EEF1AKMT1: variants seen among roughly 807,000 people sequenced by gnomAD.
The protein encoded by EEF1AKMT1 is N-6 adenine-specific DNA methyltransferase 2 (putative).
EEF1AKMT1 carries 18 observed loss-of-function variants against 21.0 expected under a neutral mutation model. The observed-to-expected ratio is 0.86, with a 90% CI of 0.59 to 1.27. The LOEUF is 1.27. Among genes scored for constraint, EEF1AKMT1 ranks in the 50% most tolerant of loss-of-function variants. The probability of loss-of-function intolerance (pLI) is 0.00; values close to 1 mark genes in which losing one functional copy is unlikely to be tolerated. For synonymous variants in EEF1AKMT1, 109 were observed against 94.8 expected (o/e 1.15, Z -0.87); for missense variants, 246 against 258.6 (o/e 0.95, Z 0.33).
intron 2 of EEF1AKMT1, among the ~76,000 whole-genome samples, chr13:20,756,228 T>G (rs1044088888): frequency 3.3e-5 from 5 of 152,162 alleles, no homozygotes; most frequent in Admixed American, 2.0e-4. Context: ...CAAGGGGTAG[T>G]CACAGACAAA....
intron 4 of EEF1AKMT1, among the ~76,000 whole-genome samples, chr13:20,729,788 C>A (rs2058781565): frequency 6.6e-6 from 1 of 152,176 alleles, no homozygotes; most frequent in African/African-American, 2.4e-5. Flanking sequence ...GCTCTCTCAA[C>A]TTCATCTTCA....
chr13:20,738,988 A>C lies in EEF1AKMT1; in HGVS notation c.145-1183T>G, dbSNP rs370400846. Among the ~76,000 whole-genome samples the C allele has an allele frequency of 8.5e-5, 13 of 152,326 alleles. No individual in the cohort carries two copies. The East Asian group carries it at 2.5e-3, about 29-fold the overall frequency. Reference sequence around the variant, plus strand: ...TGTGGACCCTCACGATGAGTGTGACAGTTCTTAAAGATAGTGTGCCCAGAG... The same window carrying C: ...TGTGGACCCTCACGATGAGTGTGACCGTTCTTAAAGATAGTGTGCCCAGAG... On this transcript the variant is annotated intron_variant, in intron 2 of 4. Transcript: ENST00000382758.
chr13:20,733,245 G>A (rs569314068), intron 3 of EEF1AKMT1, among the ~76,000 whole-genome samples: 85 of 152,010 alleles, frequency 5.6e-4, no homozygotes, highest in Non-Finnish European at 1.1e-3. Context: ...ACAGGCACCC[G>A]CCACCACGCC....
At chr13:20,730,684 G>A (rs1012445328) in intron 4 of EEF1AKMT1, among the ~76,000 whole-genome samples, 4 of 152,102 alleles carry the variant, frequency 2.6e-5, no homozygotes, top group Admixed American at 2.0e-4. Flanking sequence ...TCTAGCTAGA[G>A]GATTGTAAAC....
At chr13:20,757,066 G>A in intron 2 of EEF1AKMT1, among the ~76,000 whole-genome samples, 1 of 152,188 alleles carries the variant, frequency 6.6e-6, no homozygotes, top group East Asian at 1.9e-4. Context: ...CGCCGAACGT[G>A]GGTACGAGCT....
chr13:20,754,262 G>GT (rs386378396), intron 2 of EEF1AKMT1, among the ~76,000 whole-genome samples: 34,029 of 114,624 alleles, frequency 0.3, 5,396 homozygotes, highest in East Asian at 0.79. Context: ...TTTGTTGGCA[G>GT]TTTTTTTTTC....
chr13:20,729,520 TATACAC>T (rs1180698127), intron 4 of EEF1AKMT1, among the ~76,000 whole-genome samples: 2 of 152,042 alleles, frequency 1.3e-5, no homozygotes, highest in Admixed American at 6.6e-5. Context: ...ACTATATATA[TATACAC>T]ACATATGGAA....
At chr13:20,730,855 T>A (rs2058789500) in intron 4 of EEF1AKMT1, among the ~76,000 whole-genome samples, 1 of 152,190 alleles carries the variant, frequency 6.6e-6, no homozygotes, top group African/African-American at 2.4e-5. Context: ...GGTGTTGTCC[T>A]CTTCCATGGT....
intron 3 of EEF1AKMT1, among the ~76,000 whole-genome samples, chr13:20,737,185 G>A (rs896523540): frequency 1.3e-5 from 2 of 151,982 alleles, no homozygotes; most frequent in African/African-American, 4.8e-5. Flanking sequence ...TTAATATGGT[G>A]AAATCCCATC....
chr13:20,766,528 A>C (rs1224400794), intron 1 of EEF1AKMT1, among the ~76,000 whole-genome samples: 2 of 152,084 alleles, frequency 1.3e-5, no homozygotes, highest in African/African-American at 4.8e-5. Flanking sequence ...TTGCTTAAGA[A>C]TTATGGTACA....
intron 1 of EEF1AKMT1, 92 bp from the exon 2 acceptor site, chr13:20,757,709 T>A (rs2058978813): frequency 1.9e-6 from 2 of 1,031,514 alleles, no homozygotes; most frequent in East Asian, 5.3e-5. Flanking sequence ...ACAGCAAGGA[T>A]CCAAACTGAA....
At chr13:20,773,900 G>T (rs899765208) in intron 1 of EEF1AKMT1, 21 bp downstream of exon 1, 1 of 152,454 alleles carries the variant, frequency 6.6e-6, no homozygotes, top group Non-Finnish European at 1.5e-5. Context: ...CCCTACAGCT[G>T]CGCCCGAACC....
At chr13:20,741,961 C>T (rs2058874155) in intron 2 of EEF1AKMT1, among the ~76,000 whole-genome samples, 4 of 151,994 alleles carry the variant, frequency 2.6e-5, no homozygotes, top group African/African-American at 7.3e-5. Flanking sequence ...TACACTTGAC[C>T]CTTCCAGAGT....
At chr13:20,763,608 C>CTGTACT (rs1376764447) in intron 1 of EEF1AKMT1, among the ~76,000 whole-genome samples, 3 of 152,014 alleles carry the variant, frequency 2.0e-5, no homozygotes, top group Admixed American at 6.6e-5. Context: ...GCCTACCACC[C>CTGTACT]ACCCTGGCTA....
intron 3 of EEF1AKMT1, 46 bp downstream of exon 3, chr13:20,737,677 T>C (rs891191811): frequency 6.7e-7 from 1 of 1,490,506 alleles, no homozygotes; most frequent in African/African-American, 1.4e-5. Context: ...GGAAAGACAT[T>C]CAAAATATTA....
At chr13:20,738,863 T>G (rs780910789) in intron 2 of EEF1AKMT1, among the ~76,000 whole-genome samples, 2 of 152,154 alleles carry the variant, frequency 1.3e-5, no homozygotes, top group African/African-American at 2.4e-5. Context: ...AACATATGGT[T>G]TCTTTTAGAC....
intron 2 of EEF1AKMT1, among the ~76,000 whole-genome samples, chr13:20,749,714 GAAAGA>G (rs1430233340): frequency 6.6e-6 from 1 of 151,902 alleles, no homozygotes; most frequent in Non-Finnish European, 1.5e-5. Context: ...TTCAAAAAAA[GAAAGA>G]AAAGAAAAGG....
chr13:20,737,274 G>T (rs568329465), intron 3 of EEF1AKMT1, among the ~76,000 whole-genome samples: 2 of 152,186 alleles, frequency 1.3e-5, no homozygotes, highest in South Asian at 2.1e-4. Context: ...TGAGGCAAGA[G>T]AATTGCTTGA....
In EEF1AKMT1 at chr13:20,728,844, T is replaced by G; in HGVS notation, c.*236A>C. On this transcript the variant is annotated 3_prime_UTR_variant, in exon 5 of 5. Coordinates refer to ENST00000382758, the MANE Select transcript of EEF1AKMT1 (RefSeq NM_001318939.2). ...AAATGAGGAGAGAAGATCAGGCAGA[T>G]TCTAAGGTTTCTTCCAACTCGAATT... The G allele has an allele frequency of 1.8e-6, 1 of 544,486 alleles. No individual in the cohort carries two copies. The highest frequency in any genetic ancestry group is 3.3e-6 in the Non-Finnish European group (1 of 304,136). The allele number at this position is 544,486 out of a possible 1,614,324, so 33.7% of individuals were successfully genotyped here.
Sources: gnomAD v4.1 joint callset for allele counts (sites outside exome capture counted in the v4.1 genomes callset) on GRCh38, gnomAD v4.1.1 for gene constraint, MANE v1.5 for transcripts, NCBI Gene and HGNC (gene_info 2026-07-23, HGNC 2026-07-21) for gene names.